The following MGAT5 variants were observed in gnomAD, a reference collection of about 807,000 sequenced individuals.
MGAT5 encodes alpha-1,6-mannosylglycoprotein 6-beta-N-acetylglucosaminyltransferase.
A neutral mutation model predicts 94.3 loss-of-function variants in MGAT5; 30 were observed. The observed-to-expected ratio is 0.32, with a 90% confidence interval of 0.24 to 0.43. The LOEUF (loss-of-function observed/expected upper bound fraction) is 0.43, where lower values mean the gene tolerates loss of function less well. Among genes scored for constraint, MGAT5 ranks in the 20% least tolerant of loss-of-function variants. The probability of loss-of-function intolerance (pLI) is 1.00; values close to 1 mark genes in which losing one functional copy is unlikely to be tolerated. For synonymous variants in MGAT5, 310 were observed against 322.9 expected, an observed-to-expected ratio of 0.96 and a Z score of 0.43; for missense variants, 691 against 905.5, an observed-to-expected ratio of 0.76 and a Z score of 3.04.
intron 8 of MGAT5, among the ~76,000 whole-genome samples, chr2:134,347,373 T>A (rs1003596614): frequency 6.6e-6 from 1 of 152,166 alleles, no homozygotes; most frequent in Non-Finnish European, 1.5e-5. Context: ...ATAGCTTACA[T>A]CTAGGCGCTG....
At chr2:134,355,311 G>A (rs1679664107) in intron 9 of MGAT5, among the ~76,000 whole-genome samples, 1 of 151,908 alleles carries the variant, frequency 6.6e-6, no homozygotes, top group Non-Finnish European at 1.5e-5. Flanking sequence ...CTAAAATTTT[G>A]TGTTTCCTTT....
chr2:134,327,176 G>A (rs950714052), intron 4 of MGAT5, among the ~76,000 whole-genome samples: 1 of 152,006 alleles, frequency 6.6e-6, no homozygotes, highest in Non-Finnish European at 1.5e-5. Context: ...ATTAAAATCC[G>A]CTAAGACATT....
Position 134,438,888 on chromosome 2 carries a change from T to C in MGAT5, c.1870-2870T>C, listed in dbSNP as rs565989411. Among the ~76,000 whole-genome samples the C allele has an allele frequency of 1.6e-4, 25 of 152,340 alleles. No individual in the cohort carries two copies. In the South Asian group the frequency reaches 2.5e-3, roughly 15 times the overall value. On this transcript the variant is annotated intron_variant, in intron 14 of 15. Transcript: ENST00000281923. ...CAATATGTTTCTTTTCATCTCTGAA[T>C]TATTAGACCTTCCTGGAATTCTATT...
chr2:134,400,758 G>A (rs560944969), intron 10 of MGAT5, among the ~76,000 whole-genome samples: 8 of 152,254 alleles, frequency 5.3e-5, no homozygotes, highest in African/African-American at 1.7e-4. Context: ...CTTTTTAGGC[G>A]AAATGCCTCC....
intron 9 of MGAT5, among the ~76,000 whole-genome samples, chr2:134,360,899 C>G (rs1201320916): frequency 3.3e-5 from 5 of 152,236 alleles, no homozygotes; most frequent in Non-Finnish European, 7.3e-5. Flanking sequence ...CCTGTTATCT[C>G]CTCATTCTGT....
At chr2:134,227,325 G>A (rs1043706428) in intron 1 of MGAT5, among the ~76,000 whole-genome samples, 1 of 152,100 alleles carries the variant, frequency 6.6e-6, no homozygotes, top group African/African-American at 2.4e-5. Context: ...TAGTTTAAAA[G>A]GCCCATACTG....
chr2:134,430,131 A>G (rs1295546928), intron 14 of MGAT5, among the ~76,000 whole-genome samples: 1 of 152,200 alleles, frequency 6.6e-6, no homozygotes, highest in Non-Finnish European at 1.5e-5. Flanking sequence ...GGGTCTTAAG[A>G]CATCACAGCT....
intron 12 of MGAT5, 62 bp downstream of exon 12, chr2:134,413,077 C>T (rs373254211): frequency 5.7e-6 from 9 of 1,565,396 alleles, no homozygotes; most frequent in East Asian, 4.6e-5. Context: ...TTATTGAGTG[C>T]TCATGTAGGT....
Position 134,422,864 on chromosome 2 carries a change from A to G in MGAT5, c.1739A>G (p.Asp580Gly). 6.2e-7 allele frequency: 1 copy of G among 1,613,942 alleles called. No individual in the cohort carries two copies. Among genetic ancestry groups the G allele is most frequent in the Non-Finnish European group, 8.5e-7 (1 of 1,179,866 alleles). ...GGGCGGCCACATGTGTGGACTGTTG[A>G]CCTCAACAATCAGGAGGAAGTAGAG... ...FIGRPHVWTVDLNNQEEVEDA... is the reference protein window; with the variant it reads ...FIGRPHVWTVGLNNQEEVEDA... The change falls in exon 13 of 16, where the codon GAC becomes GGC. Residue 580 changes from aspartate to glycine, a missense_variant. Asp to Gly is a moderately conservative substitution (Grantham distance 94). Transcript: ENST00000281923.
chr2:134,196,505 G>A (rs1679502718), intron 1 of MGAT5, among the ~76,000 whole-genome samples: 1 of 152,102 alleles, frequency 6.6e-6, no homozygotes, highest in African/African-American at 2.4e-5. Context: ...AAAGCAAAGT[G>A]ATCATTTAAA....
chr2:134,164,040 G>A (rs1029870302), intron 1 of MGAT5, among the ~76,000 whole-genome samples: 1 of 151,970 alleles, frequency 6.6e-6, no homozygotes, highest in Non-Finnish European at 1.5e-5. Flanking sequence ...GGTGGTAACA[G>A]TTGAAACTCA....
intron 2 of MGAT5, among the ~76,000 whole-genome samples, chr2:134,313,271 G>A (rs900911259): frequency 6.6e-6 from 1 of 152,078 alleles, no homozygotes; most frequent in Non-Finnish European, 1.5e-5. Flanking sequence ...GACATCTCGT[G>A]CTGCTTCTGC....
intron 1 of MGAT5, among the ~76,000 whole-genome samples, chr2:134,256,360 C>T (rs138418237): frequency 6.6e-6 from 1 of 152,204 alleles, no homozygotes; most frequent in African/African-American, 2.4e-5. Context: ...TTTAAAGTTT[C>T]TGGTTGTATG....
intron 2 of MGAT5, among the ~76,000 whole-genome samples, chr2:134,279,546 A>G (rs1008910774): frequency 1.3e-5 from 2 of 152,228 alleles, no homozygotes; most frequent in Non-Finnish European, 2.9e-5. Flanking sequence ...TTCATTTCGA[A>G]AAGTGAGACT....
At chr2:134,192,228 A>G (rs113908967) in intron 1 of MGAT5, among the ~76,000 whole-genome samples, 5 of 151,492 alleles carry the variant, frequency 3.3e-5, no homozygotes, top group African/African-American at 9.7e-5. Flanking sequence ...TTCCTGATGA[A>G]AGGGTGGGTT....
Position 134,304,433 on chromosome 2 carries a change from A to G in MGAT5, c.407-13096A>G, listed in dbSNP as rs570271813. 4.6e-5 allele frequency among the ~76,000 whole-genome samples: 7 copies of G among 152,284 alleles called. No individual in the cohort carries two copies. In the South Asian group the frequency reaches 6.2e-4, roughly 14 times the overall value. ...CTTCTAAGAGCTAACTCAAAAACCA[A>G]ATATTCATCTGGGAACAGACTACTT... On this transcript the variant is annotated intron_variant, in intron 2 of 15. Transcript: ENST00000281923.
chr2:134,156,973 G>A (rs1285665097), intron 1 of MGAT5, among the ~76,000 whole-genome samples: 1 of 152,160 alleles, frequency 6.6e-6, no homozygotes, highest in Non-Finnish European at 1.5e-5. Flanking sequence ...ATGATATCTA[G>A]GTAAGCTTAT....
intron 1 of MGAT5, among the ~76,000 whole-genome samples, chr2:134,130,326 C>G (rs993740856): frequency 6.7e-6 from 1 of 150,216 alleles, no homozygotes; most frequent in African/African-American, 2.5e-5. Context: ...GCCCCAGCCT[C>G]CCCTACGGGC....
At chr2:134,291,981 T>C (rs899374581) in intron 2 of MGAT5, among the ~76,000 whole-genome samples, 1 of 152,236 alleles carries the variant, frequency 6.6e-6, no homozygotes, top group East Asian at 1.9e-4. Flanking sequence ...TCAGATTCAT[T>C]AACTCAGTGG....
Sources: gnomAD v4.1 joint callset for allele counts (sites outside exome capture counted in the v4.1 genomes callset) on GRCh38, gnomAD v4.1.1 for gene constraint, MANE v1.5 for transcripts, NCBI Gene and HGNC (gene_info 2026-07-23, HGNC 2026-07-21) for gene names.